PRKN: variants seen among roughly 807,000 people sequenced by gnomAD.
The protein encoded by PRKN is parkin RBR E3 ubiquitin protein ligase, also known as E3 ubiquitin-protein ligase parkin.
Under a neutral mutation model 59.5 loss-of-function variants are expected in PRKN, and 56 were observed. The ratio of observed to expected loss-of-function variants is 0.94; its 90% CI spans 0.76 to 1.18. The LOEUF (loss-of-function observed/expected upper bound fraction) is 1.18. Among genes scored for constraint, PRKN ranks in the 50% most tolerant of loss-of-function variants. PRKN has a pLI of 0.00. For synonymous variants in PRKN, 250 were observed against 222.1 expected, an observed-to-expected ratio of 1.13 and a Z score of -1.12; for missense variants, 657 against 596.4, an observed-to-expected ratio of 1.10 and a Z score of -1.06.
chr6:162,323,473 G>A (rs1212944379), intron 2 of PRKN, among the ~76,000 whole-genome samples: 1 of 151,606 alleles, frequency 6.6e-6, no homozygotes, highest in Non-Finnish European at 1.5e-5. Context: ...GCCAAATATT[G>A]AGAGAATATC....
intron 1 of PRKN, among the ~76,000 whole-genome samples, chr6:162,598,034 G>GA (rs1463233110): frequency 6.6e-6 from 1 of 152,064 alleles, no homozygotes; most frequent in Non-Finnish European, 1.5e-5. Context: ...AGTTAAAATA[G>GA]AATCACGATG....
At chr6:162,034,951 G>A (rs534036685) in intron 5 of PRKN, among the ~76,000 whole-genome samples, 1 of 152,236 alleles carries the variant, frequency 6.6e-6, no homozygotes, top group Admixed American at 6.5e-5. Flanking sequence ...AGGCATATCC[G>A]AGGCTGGGTA....
intron 9 of PRKN, among the ~76,000 whole-genome samples, chr6:161,426,484 C>T (rs1788362939): frequency 6.6e-6 from 1 of 152,076 alleles, no homozygotes; most frequent in African/African-American, 2.4e-5. Flanking sequence ...TCCCAGCCTA[C>T]ATCTTTCTCC....
At chr6:161,678,259 A>G (rs1349479299) in intron 7 of PRKN, among the ~76,000 whole-genome samples, 1 of 125,182 alleles carries the variant, frequency 8.0e-6, no homozygotes, top group Non-Finnish European at 1.6e-5. Context: ...GGTGAACCAC[A>G]GGCCCATAAG....
chr6:162,597,737 T>C (rs1781547288), intron 1 of PRKN, among the ~76,000 whole-genome samples: 1 of 152,246 alleles, frequency 6.6e-6, no homozygotes, highest in African/African-American at 2.4e-5. Context: ...TTCAGTAATA[T>C]GTGGCAATGT....
intron 2 of PRKN, among the ~76,000 whole-genome samples, chr6:162,273,119 A>T (rs1228617061): frequency 6.6e-6 from 1 of 152,118 alleles, no homozygotes; most frequent in Non-Finnish European, 1.5e-5. Flanking sequence ...GAATATAGTA[A>T]GGGACTTTCT....
Position 161,462,289 on chromosome 6 carries a change from T to C in PRKN, c.1084-75412A>G, listed in dbSNP as rs1790258467. 6.6e-6 allele frequency among the ~76,000 whole-genome samples: 1 copy of C among 152,234 alleles called. No individual in the cohort carries two copies. Among genetic ancestry groups the C allele is most frequent in the Admixed American group, 6.5e-5 (1 of 15,284 alleles). On this transcript the variant is annotated intron_variant, in intron 9 of 11. Coordinates refer to ENST00000366898, the MANE Select transcript of PRKN (RefSeq NM_004562.3). The surrounding 1 kb of genome is among the most constrained non-coding windows in gnomAD (Gnocchi z 4.5). ...CAATGTTATCTAGACAGCATGCTTT[T>C]ATTCTGAATCACCTGAACTTCCAGC...
intron 4 of PRKN, among the ~76,000 whole-genome samples, chr6:162,154,274 T>C (rs1356847478): frequency 2.0e-5 from 3 of 152,134 alleles, no homozygotes. Flanking sequence ...AAGCCCATTC[T>C]AGATTACAGG....
chr6:162,572,878 T>C (rs1780401205), intron 1 of PRKN, among the ~76,000 whole-genome samples: 1 of 143,870 alleles, frequency 7.0e-6, no homozygotes, highest in Admixed American at 7.0e-5. Context: ...CAAAACCCCC[T>C]GGGGCTCTTC....
At chr6:161,760,306 C>T (rs1172055901) in intron 7 of PRKN, among the ~76,000 whole-genome samples, 1 of 106,770 alleles carries the variant, frequency 9.4e-6, no homozygotes, top group Non-Finnish European at 2.1e-5. Context: ...CAACGACACC[C>T]ACACGGGTAT....
intron 6 of PRKN, among the ~76,000 whole-genome samples, chr6:161,787,315 G>C (rs1031734143): frequency 5.9e-5 from 9 of 152,076 alleles, no homozygotes; most frequent in African/African-American, 2.2e-4. Flanking sequence ...GTAAGTAATC[G>C]GTCAACTTAA....
At position 161,818,216 on chromosome 6, in the gene PRKN, C is replaced by T. The variant is rs1302151920; in HGVS notation, c.735-32308G>A. Among the ~76,000 whole-genome samples the T allele has an allele frequency of 3.9e-5, 6 of 152,248 alleles. No individual in the cohort carries two copies. In the East Asian group the frequency reaches 9.7e-4, roughly 25 times the overall value. On this transcript the variant is annotated intron_variant, in intron 6 of 11. Transcript: ENST00000366898. ...TACCAAAGACACATAGGTGGAAACTCAAAGACCAGTTTTTGGTAGAGGGGC... is the reference window on the plus strand; with the variant it reads ...TACCAAAGACACATAGGTGGAAACTTAAAGACCAGTTTTTGGTAGAGGGGC...
At chr6:162,004,531 A>G (rs1782175095) in intron 5 of PRKN, among the ~76,000 whole-genome samples, 1 of 152,200 alleles carries the variant, frequency 6.6e-6, no homozygotes, top group African/African-American at 2.4e-5. Flanking sequence ...CTGCTTAATT[A>G]TTTGCTTGAA....
intron 6 of PRKN, among the ~76,000 whole-genome samples, chr6:161,841,552 G>C (rs1318853309): frequency 6.6e-6 from 1 of 152,032 alleles, no homozygotes; most frequent in Non-Finnish European, 1.5e-5. Context: ...GTTTCACCAT[G>C]TTGGCCAGGC....
intron 2 of PRKN, among the ~76,000 whole-genome samples, chr6:162,443,101 G>A (rs775969842): frequency 2.0e-5 from 3 of 152,004 alleles, no homozygotes; most frequent in South Asian, 2.1e-4. Context: ...TTTCTCACTC[G>A]CAGTTGTTCT....
intron 6 of PRKN, among the ~76,000 whole-genome samples, chr6:161,817,218 C>A (rs546143098): frequency 1.1e-3 from 170 of 152,252 alleles, no homozygotes; most frequent in Non-Finnish European, 1.9e-3. Context: ...AATCAATGTG[C>A]TTTGTGTATT....
chr6:161,655,885 TACACACACACACACACACACA>T (rs1784330409), intron 7 of PRKN, among the ~76,000 whole-genome samples: 1 of 56,844 alleles, frequency 1.8e-5, no homozygotes, highest in East Asian at 4.4e-4. Context: ...CACACACACA[TACACACACACACACACACACA>T]CACACACACA....
At chr6:161,913,195 T>C (rs568688515) in intron 6 of PRKN, among the ~76,000 whole-genome samples, 107 of 133,986 alleles carry the variant, frequency 8.0e-4, no homozygotes, top group African/African-American at 2.8e-3. Context: ...AAAAAAGACA[T>C]GGGATAATGT....
rs552104242 is a variant in PRKN, at chr6:162,678,459, G to A, written c.7+49203C>T. ...TTCCAGTTACTCTGTATCCTCACCCGTACTTGGCATCTTTCAAATTTCAGA... is the reference window on the plus strand; with the variant it reads ...TTCCAGTTACTCTGTATCCTCACCCATACTTGGCATCTTTCAAATTTCAGA... On this transcript the variant is annotated intron_variant, in intron 1 of 11. Coordinates refer to ENST00000366898, the MANE Select transcript of PRKN (RefSeq NM_004562.3). 2.4e-4 allele frequency among the ~76,000 whole-genome samples: 36 copies of A among 152,134 alleles called. 1 individual carries two copies. The South Asian group carries it at 4.6e-3, about 19-fold the overall frequency.
Sources: gnomAD v4.1 joint callset for allele counts (sites outside exome capture counted in the v4.1 genomes callset) on GRCh38, gnomAD v4.1.1 for gene constraint, Gnocchi (gnomAD v3.1) non-coding constraint, MANE v1.5 for transcripts, NCBI Gene and HGNC (gene_info 2026-07-23, HGNC 2026-07-21) for gene names.